FSTL5: variants seen among roughly 807,000 people sequenced by gnomAD.
The protein encoded by FSTL5 is follistatin like 5, also known as follistatin-related protein 5.
FSTL5 carries 62 observed loss-of-function variants against 89.1 expected under a neutral mutation model. The observed-to-expected ratio is 0.70, with a 90% CI of 0.57 to 0.86. FSTL5 has a LOEUF of 0.86. Among genes scored for constraint, FSTL5 ranks in the 40% least tolerant of loss-of-function variants. The pLI is 0.00. For missense variants in FSTL5, 1,057 were observed against 1,001.6 expected (o/e 1.06, Z -0.75); for synonymous variants, 383 against 346.2 (o/e 1.11, Z -1.18).
intron 3 of FSTL5, among the ~76,000 whole-genome samples, chr4:162,018,795 GA>G (rs1736990560): frequency 1.3e-5 from 2 of 152,004 alleles, no homozygotes; most frequent in South Asian, 4.1e-4. Flanking sequence ...TATATTAAAG[GA>G]GTTACATATT....
intron 4 of FSTL5, among the ~76,000 whole-genome samples, chr4:161,900,350 C>T (rs142472615): frequency 3.5e-4 from 53 of 152,096 alleles, no homozygotes; most frequent in African/African-American, 1.2e-3. Flanking sequence ...GTTAGTAACT[C>T]GGGTTCTCAG....
At position 162,065,606 on chromosome 4, in the gene FSTL5, T is replaced by C. The variant is rs575580662; in HGVS notation, c.127-31948A>G. Among the ~76,000 whole-genome samples the C allele has an allele frequency of 2.8e-4, 43 of 152,004 alleles. 1 individual carries two copies. Among genetic ancestry groups the C allele is most frequent in the African/African-American group, 1.0e-3 (42 of 41,526 alleles). On this transcript the variant is annotated intron_variant, in intron 2 of 15. Transcript: ENST00000306100. ...GGGTGTAAAGAAAAGGTATACACCA[T>C]TGATGTGAAGATAAGTTGGTATAGC... is the stretch of plus-strand genomic sequence containing the variant.
intron 4 of FSTL5, among the ~76,000 whole-genome samples, chr4:161,784,469 C>T (rs927971189): frequency 3.3e-5 from 5 of 151,868 alleles, no homozygotes; most frequent in African/African-American, 1.2e-4. Context: ...TCAAAAGATG[C>T]ATGTGATTCT....
At chr4:161,675,762 T>C (rs1231871457) in intron 6 of FSTL5, among the ~76,000 whole-genome samples, 1 of 152,004 alleles carries the variant, frequency 6.6e-6, no homozygotes, top group Non-Finnish European at 1.5e-5. Context: ...CCTGGAACCA[T>C]AATATAATTT....
intron 4 of FSTL5, among the ~76,000 whole-genome samples, chr4:161,805,691 C>T (rs1729943292): frequency 6.6e-6 from 1 of 151,976 alleles, no homozygotes; most frequent in Non-Finnish European, 1.5e-5. Flanking sequence ...TGTCACTGAA[C>T]TAAAAATATT....
intron 10 of FSTL5, among the ~76,000 whole-genome samples, chr4:161,526,600 A>T (rs1317442145): frequency 2.0e-5 from 3 of 152,152 alleles, no homozygotes; most frequent in Non-Finnish European, 4.4e-5. Context: ...TAAGTCTTTA[A>T]TCCATCTTGA....
intron 3 of FSTL5, among the ~76,000 whole-genome samples, chr4:161,992,921 T>TACAC (rs1560957682): frequency 7.6e-4 from 10 of 13,154 alleles, no homozygotes; most frequent in East Asian, 3.6e-3. Flanking sequence ...TATATATATA[T>TACAC]ATATGTGTGT....
chr4:161,530,382 T>C lies in FSTL5; in HGVS notation c.1312+7784A>G, dbSNP rs1731371164. Among the ~76,000 whole-genome samples the C allele has an allele frequency of 1.4e-5, 2 of 142,496 alleles. 1 individual carries two copies. The highest frequency in any genetic ancestry group is 4.8e-4 in the South Asian group (2 of 4,164). The allele number at this position is 142,496 out of a possible 152,430, so 93.5% of individuals were successfully genotyped here. A position where few individuals can be genotyped will look rare whatever the true frequency, so the allele number is the denominator to read the frequency against. ...TTCATTTTGATAATAATTATTAACT[T>C]ACATAAATAGTATATGTTTATATAA... On this transcript the variant is annotated intron_variant, in intron 10 of 15. Transcript: ENST00000306100.
At chr4:161,608,274 A>T (rs1161902606) in intron 7 of FSTL5, among the ~76,000 whole-genome samples, 1 of 152,158 alleles carries the variant, frequency 6.6e-6, no homozygotes, top group Non-Finnish European at 1.5e-5. Flanking sequence ...CATATTAAAA[A>T]TTTCTAAATG....
At chr4:162,146,933 C>A (rs1029580817) in intron 1 of FSTL5, among the ~76,000 whole-genome samples, 3 of 151,958 alleles carry the variant, frequency 2.0e-5, no homozygotes, top group Non-Finnish European at 2.9e-5. Flanking sequence ...AGGCGCACGC[C>A]ACCATGCCTG....
At position 161,481,093 on chromosome 4, in the gene FSTL5, T is replaced by G; in HGVS notation, c.1535A>C (p.Lys512Thr). ...VWASAVNVKD[K>T]FIYVAQPTLD... ...AGTTGGCTGTGCAACATAAATGAACTTGTCTTTGACATTAACAGCTGATGC... is the reference window on the plus strand; with the variant it reads ...AGTTGGCTGTGCAACATAAATGAACGTGTCTTTGACATTAACAGCTGATGC... Residue 512 changes from lysine (K) to threonine (T), a missense_variant, in exon 13 of 16, where the codon AAG (lysine) becomes ACG (threonine). By Grantham distance (78) the Lys-to-Thr change is moderately conservative. This residue lies in a region of FSTL5 where 980 missense variants were observed against 903.2 expected (regional missense o/e 1.08). Transcript: ENST00000306100. 1 of 1,613,282 alleles carries G rather than the reference T, an allele frequency of 6.2e-7. No individual in the cohort carries two copies. The highest frequency in any genetic ancestry group is 8.5e-7 in the Non-Finnish European group (1 of 1,179,436).
At chr4:161,610,502 T>A (rs1205914612) in intron 7 of FSTL5, among the ~76,000 whole-genome samples, 1 of 152,176 alleles carries the variant, frequency 6.6e-6, no homozygotes, top group Non-Finnish European at 1.5e-5. Context: ...CGCTTTAAAT[T>A]TGAGAAACCT....
intron 1 of FSTL5, among the ~76,000 whole-genome samples, chr4:162,129,441 TAA>T (rs1323263892): frequency 6.6e-6 from 1 of 152,204 alleles, no homozygotes; most frequent in Non-Finnish European, 1.5e-5. Flanking sequence ...TACAAAAAGA[TAA>T]AGTGAGAAAA....
chr4:161,606,240 ATTTT>A (rs71598720), intron 7 of FSTL5, among the ~76,000 whole-genome samples: 62 of 117,874 alleles, frequency 5.3e-4, no homozygotes, highest in Middle Eastern at 5.1e-3. Context: ...ATTATCTGTG[ATTTT>A]TTTTTTTTTT....
chr4:161,633,440 G>A (rs1392188623), intron 7 of FSTL5, among the ~76,000 whole-genome samples: 3 of 151,666 alleles, frequency 2.0e-5, no homozygotes, highest in Admixed American at 1.3e-4. Flanking sequence ...TCTGCCTCCC[G>A]GGTTCAAGTG....
intron 10 of FSTL5, among the ~76,000 whole-genome samples, chr4:161,533,168 GA>G (rs377735914): frequency 0.26 from 33,480 of 127,528 alleles, 5,031 homozygotes; most frequent in Non-Finnish European, 0.38. Context: ...TTAGAACTAG[GA>G]AAAAAAAAAA....
chr4:161,872,150 T>TTG (rs1419412709), intron 4 of FSTL5, among the ~76,000 whole-genome samples: 3 of 132,918 alleles, frequency 2.3e-5, no homozygotes, highest in African/African-American at 5.4e-5. Context: ...GGTTTTTTTT[T>TTG]TTTTTTTTGT....
At chr4:161,575,362 C>T (rs1023912468) in intron 8 of FSTL5, among the ~76,000 whole-genome samples, 6 of 152,110 alleles carry the variant, frequency 3.9e-5, no homozygotes, top group African/African-American at 1.4e-4. Context: ...ATCTCTATGT[C>T]AATTTTGGCT....
chr4:161,449,347 A>G (rs1172045286), intron 15 of FSTL5, among the ~76,000 whole-genome samples: 1 of 152,206 alleles, frequency 6.6e-6, no homozygotes, highest in Non-Finnish European at 1.5e-5. Context: ...AAGAAATAAG[A>G]GCAATTTAAA....
Sources: gnomAD v4.1 joint callset for allele counts (sites outside exome capture counted in the v4.1 genomes callset) on GRCh38, gnomAD v4.1.1 for gene constraint, gnomAD v4.1.1 regional missense constraint, MANE v1.5 for transcripts, NCBI Gene and HGNC (gene_info 2026-07-23, HGNC 2026-07-21) for gene names.